Variants in PCDHA2 observed in about 807,000 individuals in gnomAD.
PCDHA2 encodes protocadherin alpha 2.
PCDHA2 carries 58 observed loss-of-function variants against 66.0 expected under a neutral mutation model. That is an observed-to-expected ratio of 0.88 (90% CI 0.71 to 1.09). The LOEUF (loss-of-function observed/expected upper bound fraction) is 1.09. Among genes scored for constraint, PCDHA2 ranks in the 50% least tolerant of loss-of-function variants. The probability of loss-of-function intolerance (pLI) is 0.00; values close to 1 mark genes in which losing one functional copy is unlikely to be tolerated. For synonymous variants in PCDHA2, 634 were observed against 554.0 expected (o/e 1.14, Z -2.03); for missense variants, 1,267 against 1,242.3 (o/e 1.02, Z -0.30).
chr5:140,839,529 A>G (rs1291835739), intron 1 of PCDHA2, among the ~76,000 whole-genome samples: 5 of 151,980 alleles, frequency 3.3e-5, no homozygotes, highest in Admixed American at 2.6e-4. Flanking sequence ...TGCTGGGACT[A>G]TAGGCACACA....
At chr5:140,968,867 T>C (rs2153774451) in intron 1 of PCDHA2, 2 of 1,614,188 alleles carry the variant, frequency 1.2e-6, no homozygotes, top group Non-Finnish European at 1.7e-6. Flanking sequence ...CCCTCGGACA[T>C]ACTCTGAAAT....
In PCDHA2 at chr5:140,858,119, C is replaced by G. The variant is rs1444406371; in HGVS notation, c.2388+60767C>G. The G allele has an allele frequency of 1.6e-5, 26 of 1,597,694 alleles. 1 individual carries two copies. The highest frequency in any genetic ancestry group is 2.1e-5 in the Non-Finnish European group (25 of 1,167,644). On this transcript the variant is annotated intron_variant, in intron 1 of 3. Transcript: ENST00000526136. The stretch of plus-strand genomic sequence containing the variant: ...AGTGGGCGTGGCGCCCGAGGTGGCC[C>G]TGGTGGATGTCAACGTGTACCTGAT...
rs782401003 is a variant in PCDHA2, at chr5:140,858,196, C to T, written c.2388+60844C>T. 3 of 1,597,174 alleles carry T rather than the reference C, an allele frequency of 1.9e-6. No individual in the cohort carries two copies. The East Asian group carries it at 6.7e-5, about 36-fold the overall frequency. On this transcript the variant is annotated intron_variant, in intron 1 of 3. Coordinates refer to ENST00000526136, the MANE Select transcript of PCDHA2 (RefSeq NM_018905.3). ...TGCTGGTGCTCACGCTGCTGCTGTA[C>T]ACTGCACTGAGGTGCTCGGCGGCGC...
intron 1 of PCDHA2, among the ~76,000 whole-genome samples, chr5:140,948,708 C>A (rs1376587735): frequency 6.6e-6 from 1 of 151,114 alleles, no homozygotes; most frequent in Non-Finnish European, 1.5e-5. Flanking sequence ...TGTGTTCTAT[C>A]CTCTTTTTTA....
rs782769711 is a variant in PCDHA2, at chr5:140,857,323, C to T, written c.2388+59971C>T. ...TGTCGGCCTATGAGCTGGTGGTGAC[C>T]GCGCGGGACGGGGGCTCGCCTCCGC... On this transcript the variant is annotated intron_variant, in intron 1 of 3. Coordinates refer to ENST00000526136, the MANE Select transcript of PCDHA2 (RefSeq NM_018905.3). The T allele has an allele frequency of 2.5e-6, 4 of 1,598,498 alleles. 1 individual carries two copies. Among genetic ancestry groups the T allele is most frequent in the Admixed American group, 1.7e-5 (1 of 59,312 alleles).
chr5:140,865,785 T>C (rs2049000599), intron 1 of PCDHA2: 1 of 152,188 alleles, frequency 6.6e-6, no homozygotes, highest in South Asian at 2.1e-4. Flanking sequence ...ATGTGTATCT[T>C]TCAGGCTTCA....
At chr5:140,944,304 C>T (rs1383475197) in intron 1 of PCDHA2, among the ~76,000 whole-genome samples, 1 of 152,162 alleles carries the variant, frequency 6.6e-6, no homozygotes, top group Non-Finnish European at 1.5e-5. Context: ...CCTCCTACCT[C>T]AGCCTCCTGA....
chr5:140,829,133 C>G (rs2150162855), intron 1 of PCDHA2: 1 of 1,612,836 alleles, frequency 6.2e-7, no homozygotes, highest in South Asian at 1.1e-5. Flanking sequence ...TGATAACGTC[C>G]CTGAGATAGC....
intron 1 of PCDHA2, chr5:140,968,356 C>T (rs1586289885): frequency 1.2e-6 from 2 of 1,614,062 alleles, no homozygotes; most frequent in Non-Finnish European, 1.7e-6. Context: ...CCAGTGGCAG[C>T]CTTTATGCTG....
At chr5:140,821,790 G>C in intron 1 of PCDHA2, 1 of 1,612,306 alleles carries the variant, frequency 6.2e-7, no homozygotes, top group Non-Finnish European at 8.5e-7. Flanking sequence ...TATATTCCCG[G>C]AGAGGAAGTC....
rs2150519656 is a variant in PCDHA2, at chr5:140,852,588, T to TA, written c.2388+55236_2388+55237insA. On this transcript the variant is annotated intron_variant, in intron 1 of 3. Transcript: ENST00000526136. ...ACTGTGCCAAGGCTTTTTTATTTTT[T>TA]TTTTTTGTCATTTTCTTTCAAAACT... is the stretch of plus-strand genomic sequence containing the variant. The TA allele has an allele frequency of 3.3e-3, 2,940 of 881,502 alleles. 187 individuals are homozygous for TA. In the African/African-American group the frequency reaches 0.044, roughly 13 times the overall value. The allele number at this position is 881,502 out of a possible 1,614,324, so 54.6% of individuals were successfully genotyped here.
In PCDHA2 at chr5:141,009,679, C is replaced by T; in HGVS notation, c.2589C>T (p.Asn863=). 1.2e-6 allele frequency: 2 copies of T among 1,614,116 alleles called. No individual in the cohort carries two copies. The highest frequency in any genetic ancestry group is 8.5e-7 in the Non-Finnish European group (1 of 1,180,026). The part of the protein sequence containing the change: ...SPPVGAGVNS[N]SWTFKYGPGN... ...CAGTCGGTGCGGGTGTCAACAGCAA[C>T]AGCTGGACCTTTAAATACGGACCAG... The change falls in exon 4 of 4, where the codon AAC becomes AAT. Residue 863 remains asparagine (N), a synonymous_variant. Coordinates refer to ENST00000526136, the MANE Select transcript of PCDHA2 (RefSeq NM_018905.3).
At position 140,848,511 on chromosome 5, in the gene PCDHA2, C is replaced by A. The variant is rs1554142145; in HGVS notation, c.2388+51159C>A. On this transcript the variant is annotated intron_variant, in intron 1 of 3. Transcript: ENST00000526136. ...AGTATTTGAAATGTTATACTCAAGT[C>A]GAGGAGATCCAGAGGGTCAGCCTCT... is the stretch of plus-strand genomic sequence containing the variant. 3 of 1,589,608 alleles carry A rather than the reference C, an allele frequency of 1.9e-6. No individual in the cohort carries two copies. The Admixed American group carries it at 5.1e-5, about 27-fold the overall frequency.
rs782575162 is a variant in PCDHA2 at position 140,795,826 on chromosome 5, A to T, written c.862A>T (p.Thr288Ser). The T allele has an allele frequency of 6.2e-7, 1 of 1,613,750 alleles. No homozygotes were observed. Among genetic ancestry groups the T allele is most frequent in the African/African-American group, 1.3e-5 (1 of 74,926 alleles). Residue 288 changes from threonine to serine, a missense_variant, in exon 1 of 4, where the codon ACT becomes TCT. Coordinates refer to ENST00000526136, the MANE Select transcript of PCDHA2 (RefSeq NM_018905.3). ...TTCACTCGGTAGTGATGTGTCCTCCACTATACAGACTAAGTTTACCATAGA... is the reference window on the plus strand; with the variant it reads ...TTCACTCGGTAGTGATGTGTCCTCCTCTATACAGACTAAGTTTACCATAGA... ...VYSLGSDVSS[T>S]IQTKFTIDPI... is the part of the protein sequence containing the mutation.
chr5:140,999,066 T>G (rs2097845533), intron 3 of PCDHA2, among the ~76,000 whole-genome samples: 1 of 152,214 alleles, frequency 6.6e-6, no homozygotes, highest in Admixed American at 6.5e-5. Flanking sequence ...CTAAGTAGTC[T>G]CCTTCACTTC....
intron 2 of PCDHA2, among the ~76,000 whole-genome samples, chr5:140,979,789 C>CAAAT (rs1244398411): frequency 2.6e-5 from 4 of 152,148 alleles, no homozygotes; most frequent in African/African-American, 9.7e-5. Context: ...GACCAAGAAA[C>CAAAT]AAATGATCAC....
At chr5:140,830,361 G>A (rs147693617) in intron 1 of PCDHA2, 1 of 1,614,126 alleles carries the variant, frequency 6.2e-7, no homozygotes, top group East Asian at 2.2e-5. Context: ...AGGCGGCAGA[G>A]GGTGTGCTCC....
chr5:140,823,110 C>A (rs2150122404), intron 1 of PCDHA2: 1 of 1,614,002 alleles, frequency 6.2e-7, no homozygotes, highest in East Asian at 2.2e-5. Flanking sequence ...TGGAAGTGGC[C>A]GACGTGAACG....
At chr5:140,919,110 C>T (rs1274257448) in intron 1 of PCDHA2, among the ~76,000 whole-genome samples, 3 of 152,118 alleles carry the variant, frequency 2.0e-5, no homozygotes, top group Non-Finnish European at 2.9e-5. Flanking sequence ...TTCATTTCTG[C>T]CAGTTTTTGC....
Sources: allele counts gnomAD v4.1 joint callset (sites outside exome capture counted in the v4.1 genomes callset), GRCh38; gene constraint gnomAD v4.1.1; transcripts MANE v1.5; gene names NCBI Gene and HGNC (gene_info 2026-07-23, HGNC 2026-07-21).